APBB1IP: variants seen among roughly 807,000 people sequenced by gnomAD.
The protein encoded by APBB1IP is amyloid beta A4 precursor protein-binding family B member 1-interacting protein.
APBB1IP carries 27 observed loss-of-function variants against 64.9 expected under a neutral mutation model. The ratio of observed to expected loss-of-function variants is 0.42; its 90% CI spans 0.31 to 0.57. APBB1IP has a LOEUF of 0.57. Ranked by LOEUF, APBB1IP falls within the 20% of genes least tolerant of loss-of-function variation. The probability of loss-of-function intolerance (pLI) is 0.20; values close to 1 mark genes in which losing one functional copy is unlikely to be tolerated. For synonymous variants in APBB1IP, 392 were observed against 331.0 expected, an observed-to-expected ratio of 1.18 and a Z score of -2.00; for missense variants, 812 against 845.5, an observed-to-expected ratio of 0.96 and a Z score of 0.49.
chr10:26,523,886 C>G (rs1013805159), intron 8 of APBB1IP, among the ~76,000 whole-genome samples: 5 of 152,134 alleles, frequency 3.3e-5, no homozygotes, highest in African/African-American at 1.2e-4. Context: ...GTGGCTCAGG[C>G]TTCCCCATGG....
At chr10:26,511,325 CAG>C (rs1238105272) in intron 6 of APBB1IP, among the ~76,000 whole-genome samples, 1 of 152,130 alleles carries the variant, frequency 6.6e-6, no homozygotes, top group Non-Finnish European at 1.5e-5. Flanking sequence ...GCCTGGGCGA[CAG>C]AGCAAGAATC....
intron 6 of APBB1IP, among the ~76,000 whole-genome samples, chr10:26,504,980 T>C (rs1272447709): frequency 6.6e-6 from 1 of 152,136 alleles, no homozygotes; most frequent in African/African-American, 2.4e-5. Flanking sequence ...TTTCTCGGAC[T>C]CCTAGGCTCA....
chr10:26,561,064 C>CTTTCTTTTTTTTT (rs1218039459), intron 13 of APBB1IP, among the ~76,000 whole-genome samples: 16 of 69,212 alleles, frequency 2.3e-4, no homozygotes, highest in East Asian at 9.4e-4. Context: ...TTCTTTCTTT[C>CTTTCTTTTTTTTT]TTTTTTTTTT....
chr10:26,444,576 G>C (rs571685279), intron 2 of APBB1IP, among the ~76,000 whole-genome samples: 16 of 152,206 alleles, frequency 1.1e-4, no homozygotes, highest in Non-Finnish European at 2.1e-4. Flanking sequence ...TAAACAACTG[G>C]AAGGATGAAA....
At position 26,560,770 on chromosome 10, in the gene APBB1IP, C is replaced by A. The variant is rs756515967; in HGVS notation, c.1295C>A (p.Ala432Glu). Residue 432 changes from alanine to glutamate, a missense_variant, in exon 13 of 15, where the codon GCA becomes GAA. Around this residue, in one of 3 missense-constraint regions of APBB1IP, gnomAD observed 381 missense variants for 352.1 expected, o/e 1.08. Coordinates refer to ENST00000376236, the MANE Select transcript of APBB1IP (RefSeq NM_019043.4). ...TLYDNYQRAV[A>E]KAGLASRWTN... Reference sequence around the variant, plus strand: ...TATGATAACTACCAGCGGGCTGTGGCAAAGGCTGGACTTGCCTCTCGGTGG... The same window carrying A: ...TATGATAACTACCAGCGGGCTGTGGAAAAGGCTGGACTTGCCTCTCGGTGG... 2.5e-6 allele frequency: 4 copies of A among 1,606,048 alleles called. No homozygotes were observed. The South Asian group carries it at 4.4e-5, about 18-fold the overall frequency.
rs2132483813 is a variant in APBB1IP at position 26,560,765 on chromosome 10, T to G, written c.1290T>G (p.Ala430=). Residue 430 remains alanine (A), a synonymous_variant, in exon 13 of 15, where the codon GCT becomes GCG. Coordinates refer to ENST00000376236, the MANE Select transcript of APBB1IP (RefSeq NM_019043.4). ...GKTLYDNYQR[A]VAKAGLASRW... ...CTCTCTATGATAACTACCAGCGGGC[T>G]GTGGCAAAGGCTGGACTTGCCTCTC... is the stretch of plus-strand genomic sequence containing the variant. The G allele has an allele frequency of 6.2e-7, 1 of 1,605,356 alleles. No individual in the cohort carries two copies. Among genetic ancestry groups the G allele is most frequent in the East Asian group, 2.2e-5 (1 of 44,796 alleles).
chr10:26,459,194 G>A (rs1174401559), intron 2 of APBB1IP, among the ~76,000 whole-genome samples: 1 of 149,234 alleles, frequency 6.7e-6, no homozygotes, highest in African/African-American at 2.5e-5. Context: ...GCGGTGTTTG[G>A]TTTTTTGTCC....
chr10:26,443,612 G>A (rs1835360860), intron 2 of APBB1IP, among the ~76,000 whole-genome samples: 1 of 151,982 alleles, frequency 6.6e-6, no homozygotes, highest in African/African-American at 2.4e-5. Context: ...AAGGCTCACT[G>A]TAGCCTCAAC....
intron 11 of APBB1IP, among the ~76,000 whole-genome samples, chr10:26,547,196 G>T (rs10764632): frequency 0.54 from 82,796 of 152,006 alleles, 22,751 homozygotes; most frequent in Admixed American, 0.66. Context: ...TATGTCTTCT[G>T]TGGTGAAATA....
At chr10:26,480,189 G>A (rs753512593) in intron 2 of APBB1IP, among the ~76,000 whole-genome samples, 8 of 152,168 alleles carry the variant, frequency 5.3e-5, no homozygotes, top group Non-Finnish European at 8.8e-5. Flanking sequence ...TCCACGAAAT[G>A]CATCATGGGA....
At chr10:26,556,255 G>T (rs527423942) in intron 11 of APBB1IP, among the ~76,000 whole-genome samples, 2 of 152,192 alleles carry the variant, frequency 1.3e-5, no homozygotes, top group Non-Finnish European at 2.9e-5. Context: ...GCTCGGTTAG[G>T]CAATAAGCTC....
rs1253677195 is a variant in APBB1IP, at chr10:26,490,432, C to T, written c.1-1895C>T. 3.9e-5 allele frequency among the ~76,000 whole-genome samples: 6 copies of T among 152,260 alleles called. No homozygotes were observed. The East Asian group carries it at 1.2e-3, about 29-fold the overall frequency. On this transcript the variant is annotated intron_variant, in intron 2 of 14. Transcript: ENST00000376236. The stretch of plus-strand genomic sequence containing the variant: ...CTGAGGTCAGGAGTTTCAGACCACC[C>T]TGGCCAACATGGCGAAACCCCGTCT...
chr10:26,481,778 C>T (rs910933621), intron 2 of APBB1IP, among the ~76,000 whole-genome samples: 2 of 151,870 alleles, frequency 1.3e-5, no homozygotes, highest in African/African-American at 4.8e-5. Context: ...TAACCCACCG[C>T]ACCTGGCCTA....
At chr10:26,543,631 A>C (rs150967235) in intron 11 of APBB1IP, among the ~76,000 whole-genome samples, 1,876 of 152,206 alleles carry the variant, frequency 0.012, 17 homozygotes, top group Non-Finnish European at 0.017. Context: ...CCCTGTCCTC[A>C]TGGAGTTTAC....
intron 13 of APBB1IP, among the ~76,000 whole-genome samples, chr10:26,561,486 C>A (rs1316342779): frequency 6.7e-6 from 1 of 148,622 alleles, no homozygotes; most frequent in African/African-American, 2.5e-5. Flanking sequence ...TTGACCACTT[C>A]TTTCGTGATA....
chr10:26,547,779 G>T (rs888987099), intron 11 of APBB1IP, among the ~76,000 whole-genome samples: 1 of 152,066 alleles, frequency 6.6e-6, no homozygotes, highest in South Asian at 2.1e-4. Flanking sequence ...TCTATTTTGG[G>T]TCGATTTTTG....
At chr10:26,476,216 G>A (rs923117805) in intron 2 of APBB1IP, among the ~76,000 whole-genome samples, 1 of 151,738 alleles carries the variant, frequency 6.6e-6, no homozygotes, top group African/African-American at 2.4e-5. Flanking sequence ...CCGCCACCAC[G>A]CCTGGCTAAT....
At chr10:26,517,778 G>T (rs1449234162) in intron 8 of APBB1IP, among the ~76,000 whole-genome samples, 1 of 152,166 alleles carries the variant, frequency 6.6e-6, no homozygotes, top group Non-Finnish European at 1.5e-5. Flanking sequence ...TTTATCCATT[G>T]TCTTGCTGAT....
At chr10:26,510,282 A>C (rs1448953621) in intron 6 of APBB1IP, among the ~76,000 whole-genome samples, 1 of 152,184 alleles carries the variant, frequency 6.6e-6, no homozygotes, top group African/African-American at 2.4e-5. Context: ...CAGATGTTTT[A>C]ATAACTTTGA....
Sources: allele counts gnomAD v4.1 joint callset (sites outside exome capture counted in the v4.1 genomes callset), GRCh38; gene constraint gnomAD v4.1.1; regional missense constraint gnomAD v4.1.1; transcripts MANE v1.5; gene names NCBI Gene and HGNC (gene_info 2026-07-23, HGNC 2026-07-21).